The following CDS1 variants were observed in gnomAD, a reference collection of about 807,000 sequenced individuals.
CDS1 encodes the protein CDP-diacylglycerol synthase 1.
A neutral mutation model predicts 62.1 loss-of-function variants in CDS1; 41 were observed. The ratio of observed to expected loss-of-function variants is 0.66; its 90% CI spans 0.51 to 0.86. CDS1 has a LOEUF of 0.86. CDS1 is among the 40% of genes least tolerant of loss of function. The pLI is 0.00. For missense variants in CDS1, 470 were observed against 550.1 expected (o/e 0.85, Z 1.46); for synonymous variants, 185 against 192.6 (o/e 0.96, Z 0.32).
At chr4:84,583,549 G>A in intron 1 of CDS1, 31 bp downstream of exon 1, 1 of 1,350,062 alleles carries the variant, frequency 7.4e-7, no homozygotes, top group Non-Finnish European at 1.0e-6. Context: ...CGGACGCCGC[G>A]CCCTGGCTGG....
At chr4:84,635,639 C>CTGCCTGCCTGCCTGCT (rs1560481618) in intron 8 of CDS1, among the ~76,000 whole-genome samples, 1 of 96,258 alleles carries the variant, frequency 1.0e-5, no homozygotes. Context: ...TCCTTCCTTC[C>CTGCCTGCCTGCCTGCT]TTCCTTCCTT....
At chr4:84,587,622 AAGACAT>A (rs368861080) in intron 1 of CDS1, among the ~76,000 whole-genome samples, 9 of 152,320 alleles carry the variant, frequency 5.9e-5, no homozygotes, top group African/African-American at 2.2e-4. Flanking sequence ...AGAAAGAGCT[AAGACAT>A]GACTTATGTA....
chr4:84,617,723 C>T (rs778799560), intron 4 of CDS1, 62 bp downstream of exon 4: 72 of 780,030 alleles, frequency 9.2e-5, no homozygotes, highest in Non-Finnish European at 1.3e-4. Context: ...GTAAAGGAAG[C>T]GTCTTGATCA....
At position 84,636,236 on chromosome 4, in the gene CDS1, C is replaced by A. The variant is rs139230025; in HGVS notation, c.810+885C>A. ...ATAATACACCTTCACATCCTCATAT[C>A]CATTTGTGTGACTTTTCATATCCAA... On this transcript the variant is annotated intron_variant, in intron 8 of 12. Transcript: ENST00000295887. Among the ~76,000 whole-genome samples, 17 of 152,284 alleles carry A rather than the reference C, an allele frequency of 1.1e-4. No individual in the cohort carries two copies. In the East Asian group the frequency reaches 3.3e-3, roughly 29 times the overall value.
chr4:84,603,341 C>T (rs1722993769), intron 1 of CDS1, among the ~76,000 whole-genome samples: 1 of 152,148 alleles, frequency 6.6e-6, no homozygotes, highest in Non-Finnish European at 1.5e-5. Context: ...ACCCTCACTC[C>T]AGTTTCCTCC....
intron 1 of CDS1, among the ~76,000 whole-genome samples, chr4:84,603,832 A>G (rs1377962042): frequency 2.0e-5 from 3 of 152,328 alleles, no homozygotes; most frequent in Admixed American, 6.5e-5. Context: ...ATGAAATGCT[A>G]CGCTCGTGTA....
At chr4:84,599,892 A>G (rs1469566215) in intron 1 of CDS1, among the ~76,000 whole-genome samples, 2 of 152,144 alleles carry the variant, frequency 1.3e-5, no homozygotes, top group South Asian at 2.1e-4. Context: ...ATCTTGGGTA[A>G]ATACCTAGGA....
chr4:84,592,642 T>C (rs1388070551), intron 1 of CDS1, among the ~76,000 whole-genome samples: 1 of 152,226 alleles, frequency 6.6e-6, no homozygotes, highest in Non-Finnish European at 1.5e-5. Flanking sequence ...TTTTAAAATA[T>C]GAAATTGAAA....
intron 3 of CDS1, among the ~76,000 whole-genome samples, chr4:84,617,002 G>C (rs777636120): frequency 3.3e-5 from 5 of 152,208 alleles, no homozygotes; most frequent in Non-Finnish European, 7.3e-5. Flanking sequence ...GCAGCCAGTA[G>C]CTGGCTATGG....
intron 1 of CDS1, among the ~76,000 whole-genome samples, chr4:84,590,769 G>A (rs1314627057): frequency 6.6e-6 from 1 of 152,176 alleles, no homozygotes; most frequent in African/African-American, 2.4e-5. Context: ...GAATGGGCTG[G>A]TACAAAGTTG....
rs1560486586 is a variant in CDS1 at position 84,648,640 on chromosome 4, C to T, written c.1340C>T (p.Thr447Ile). 5.6e-6 allele frequency: 9 copies of T among 1,613,630 alleles called. No homozygotes were observed. The highest frequency in any genetic ancestry group is 1.6e-4 in the Middle Eastern group (1 of 6,082). Residue 447 changes from threonine (T) to isoleucine (I), a missense_variant, in exon 13 of 13, where the codon ACT becomes ATT. By Grantham distance (89) the Thr-to-Ile change is moderately conservative (BLOSUM62 -1). Around this residue, in one of 5 missense-constraint regions of CDS1, gnomAD observed 68 missense variants for 81.5 expected, o/e 0.83. Transcript: ENST00000295887. ...QQLNIYKTLK[T>I]HLIEKGILQP... ...TTAAATATATATAAAACCCTGAAGA[C>T]TCATCTCATTGAGAAAGGAATCCTA...
Position 84,604,328 on chromosome 4 carries a change from C to T in CDS1, c.203C>T (p.Thr68Ile), listed in dbSNP as rs781201656. Reference sequence around the variant, plus strand: ...GAAATTCCACCATCCTCAGATAGAACCCCTGAGATTCTCAAAAAAGCTCTA... The same window carrying T: ...GAAATTCCACCATCCTCAGATAGAATCCCTGAGATTCTCAAAAAAGCTCTA... Reference protein sequence around the residue: ...IPEIPPSSDRTPEILKKALSG... With the variant: ...IPEIPPSSDRIPEILKKALSG... The change falls in exon 2 of 13, where the codon ACC becomes ATC. Residue 68 changes from threonine (T) to isoleucine (I), a missense_variant. Thr to Ile is a moderately conservative substitution (Grantham distance 89). Transcript: ENST00000295887. 1 of 1,612,572 alleles carries T rather than the reference C, an allele frequency of 6.2e-7. No homozygotes were observed. Among genetic ancestry groups the T allele is most frequent in the South Asian group, 1.1e-5 (1 of 91,020 alleles).
intron 1 of CDS1, among the ~76,000 whole-genome samples, chr4:84,592,738 C>T (rs1395408392): frequency 6.6e-6 from 1 of 152,194 alleles, no homozygotes; most frequent in African/African-American, 2.4e-5. Flanking sequence ...AACAACGCAG[C>T]TAAGAAAGCA....
chr4:84,590,210 C>T (rs1161607057), intron 1 of CDS1, among the ~76,000 whole-genome samples: 1 of 152,162 alleles, frequency 6.6e-6, no homozygotes, highest in Non-Finnish European at 1.5e-5. Context: ...GATTTTGAGG[C>T]AAACATTTTC....
intron 2 of CDS1, 30 bp downstream of exon 2, chr4:84,604,400 A>G (rs1490209773): frequency 1.9e-6 from 3 of 1,601,036 alleles, no homozygotes; most frequent in Non-Finnish European, 2.6e-6. Flanking sequence ...AGTATATCTT[A>G]GTGCACAAGA....
chr4:84,591,793 ATG>A (rs1001676098), intron 1 of CDS1, among the ~76,000 whole-genome samples: 22 of 152,206 alleles, frequency 1.4e-4, no homozygotes, highest in African/African-American at 2.4e-5. Flanking sequence ...GAGAAATCAG[ATG>A]TGTGGTCCTA....
chr4:84,586,921 A>G (rs1722439785), intron 1 of CDS1, among the ~76,000 whole-genome samples: 1 of 152,188 alleles, frequency 6.6e-6, no homozygotes, highest in Non-Finnish European at 1.5e-5. Context: ...ATTTGTATGA[A>G]AGTCAAATGA....
At chr4:84,636,216 A>G (rs1478317746) in intron 8 of CDS1, among the ~76,000 whole-genome samples, 1 of 152,120 alleles carries the variant, frequency 6.6e-6, no homozygotes, top group Non-Finnish European at 1.5e-5. Context: ...ATTATATAAT[A>G]CACCTTCACA....
intron 2 of CDS1, among the ~76,000 whole-genome samples, chr4:84,605,766 T>C (rs1238341953): frequency 6.6e-6 from 1 of 152,166 alleles, no homozygotes; most frequent in Non-Finnish European, 1.5e-5. Flanking sequence ...CAATAGCAAA[T>C]ACTAGCAGCT....
Sources: allele counts gnomAD v4.1 joint callset (sites outside exome capture counted in the v4.1 genomes callset), GRCh38; gene constraint gnomAD v4.1.1; regional missense constraint gnomAD v4.1.1; transcripts MANE v1.5; gene names NCBI Gene and HGNC (gene_info 2026-07-23, HGNC 2026-07-21).